GPHN: variants seen among roughly 807,000 people sequenced by gnomAD.
GPHN encodes gephyrin.
A neutral mutation model predicts 95.5 loss-of-function variants in GPHN; 17 were observed. The ratio of observed to expected loss-of-function variants is 0.18; its 90% CI spans 0.12 to 0.27. The LOEUF is 0.27. Ranked by LOEUF, GPHN falls within the 10% of genes least tolerant of loss-of-function variation. GPHN has a pLI of 1.00. For missense variants in GPHN, 660 were observed against 978.1 expected (o/e 0.67, Z 4.34); for synonymous variants, 320 against 322.5 (o/e 0.99, Z 0.08).
At chr14:67,258,244 T>G in the GPHN span, among the ~76,000 whole-genome samples, 15 of 152,034 alleles carry the variant, frequency 9.9e-5, no homozygotes, top group African/African-American at 3.6e-4. Context: ...CCATAAAAAT[T>G]TGATAATAGG....
chr14:67,031,048 CCTTCT>C (rs2074173950), intron 10 of GPHN, among the ~76,000 whole-genome samples: 1 of 151,808 alleles, frequency 6.6e-6, no homozygotes, highest in Non-Finnish European at 1.5e-5. Flanking sequence ...TTTAACTGCT[CCTTCT>C]CTTCAAATTA....
intron 8 of GPHN, among the ~76,000 whole-genome samples, chr14:66,933,944 A>G (rs1053631456): frequency 6.6e-6 from 1 of 151,882 alleles, no homozygotes; most frequent in Non-Finnish European, 1.5e-5. Flanking sequence ...TTTGAGACCA[A>G]CCCGGGCAAC....
At chr14:67,212,633 A>AAT in the GPHN span, among the ~76,000 whole-genome samples, 1 of 145,754 alleles carries the variant, frequency 6.9e-6, no homozygotes, top group East Asian at 2.0e-4. Context: ...TATTATATAT[A>AAT]ATATATATTA....
the GPHN span, among the ~76,000 whole-genome samples, chr14:67,538,836 C>T: frequency 1.3e-5 from 2 of 152,134 alleles, no homozygotes; most frequent in Non-Finnish European, 2.9e-5. Flanking sequence ...TACGGAGATG[C>T]TTGATTGGGG....
chr14:67,395,564 G>T, the GPHN span: 1 of 1,614,168 alleles, frequency 6.2e-7, no homozygotes. Context: ...GGATGTTTGA[G>T]TCTTCAGCTT....
intron 5 of GPHN, among the ~76,000 whole-genome samples, chr14:66,912,973 A>T (rs571100161): frequency 2.0e-5 from 3 of 152,152 alleles, no homozygotes; most frequent in Non-Finnish European, 2.9e-5. Context: ...TTTTCCATGG[A>T]TGAGAGTCAA....
At chr14:67,311,829 G>GA in the GPHN span, among the ~76,000 whole-genome samples, 1 of 152,144 alleles carries the variant, frequency 6.6e-6, no homozygotes, top group African/African-American at 2.4e-5. Context: ...ATACAAATAA[G>GA]AATTGATTAT....
chr14:66,578,654 GAAAAAAAAAAA>G (rs574302625), intron 1 of GPHN, among the ~76,000 whole-genome samples: 1 of 59,682 alleles, frequency 1.7e-5, no homozygotes, highest in African/African-American at 6.1e-5. Context: ...GGGATAGAGT[GAAAAAAAAAAA>G]AAAAAAAAGC....
At chr14:67,686,028 A>G in the GPHN span, 1 of 152,140 alleles carries the variant, frequency 6.6e-6, no homozygotes, top group African/African-American at 2.4e-5. Flanking sequence ...CAAACATTAA[A>G]TGTTGGAGTT....
chr14:67,461,006 G>C, the GPHN span, among the ~76,000 whole-genome samples: 3 of 152,112 alleles, frequency 2.0e-5, no homozygotes, highest in Admixed American at 6.5e-5. Context: ...TGTGTGTAGA[G>C]AGGTTAAGTA....
At chr14:67,139,330 G>A (rs1398015558) in intron 17 of GPHN, among the ~76,000 whole-genome samples, 1 of 152,062 alleles carries the variant, frequency 6.6e-6, no homozygotes, top group African/African-American at 2.4e-5. Flanking sequence ...GAACTCCGGG[G>A]CTCAAGCAAT....
the GPHN span, among the ~76,000 whole-genome samples, chr14:67,339,420 A>C: frequency 6.6e-6 from 1 of 152,166 alleles, no homozygotes; most frequent in African/African-American, 2.4e-5. Context: ...GACAGAAACT[A>C]ACCTTTGATA....
intron 1 of GPHN, among the ~76,000 whole-genome samples, chr14:66,590,255 A>T (rs771478600): frequency 6.6e-6 from 1 of 152,116 alleles, no homozygotes; most frequent in Admixed American, 6.6e-5. Flanking sequence ...TAACATCACA[A>T]TAAAAGAACT....
At chr14:67,143,784 C>T (rs1326180060) in intron 18 of GPHN, among the ~76,000 whole-genome samples, 1 of 152,024 alleles carries the variant, frequency 6.6e-6, no homozygotes, top group African/African-American at 2.4e-5. Flanking sequence ...TAAGATCCTT[C>T]CTTCTACTCA....
At position 66,584,729 on chromosome 14, in the gene GPHN, G is replaced by T. The variant is rs572902713; in HGVS notation, c.64+76138G>T. On this transcript the variant is annotated intron_variant, in intron 1 of 22. Transcript: ENST00000478722. ...ATGTTGAGCCAGCCTTGCATCCCCG[G>T]GATGAAGCCCACTTGATCATGGTGG... is the stretch of plus-strand genomic sequence containing the variant. 4.6e-5 allele frequency among the ~76,000 whole-genome samples: 7 copies of T among 152,202 alleles called. No individual in the cohort carries two copies. The South Asian group carries it at 1.5e-3, about 32-fold the overall frequency.
intron 12 of GPHN, among the ~76,000 whole-genome samples, chr14:67,098,822 CAA>C (rs112801526): frequency 2.1e-4 from 19 of 89,488 alleles, no homozygotes; most frequent in Admixed American, 2.5e-4. Flanking sequence ...AACTCCATCT[CAA>C]AAAAAAAAAA....
At chr14:67,061,462 A>T (rs2075820827) in intron 11 of GPHN, among the ~76,000 whole-genome samples, 1 of 152,130 alleles carries the variant, frequency 6.6e-6, no homozygotes, top group South Asian at 2.1e-4. Flanking sequence ...CTAATTCGTT[A>T]TTAACACTCC....
intron 10 of GPHN, among the ~76,000 whole-genome samples, chr14:67,040,883 G>T (rs1189395391): frequency 1.3e-5 from 2 of 152,150 alleles, no homozygotes; most frequent in Non-Finnish European, 2.9e-5. Flanking sequence ...TTGGCTAAAA[G>T]GGTGTCTGCG....
chr14:66,555,306 A>G (rs2059965641), intron 1 of GPHN, among the ~76,000 whole-genome samples: 1 of 152,218 alleles, frequency 6.6e-6, no homozygotes, highest in South Asian at 2.1e-4. Flanking sequence ...ATTACTGAGT[A>G]ATAATTTTCC....
Sources: gnomAD v4.1 joint callset for allele counts (sites outside exome capture counted in the v4.1 genomes callset) on GRCh38, gnomAD v4.1.1 for gene constraint, MANE v1.5 for transcripts, NCBI Gene and HGNC (gene_info 2026-07-23, HGNC 2026-07-21) for gene names.